WDR47: variants seen among roughly 807,000 people sequenced by gnomAD.
The protein encoded by WDR47 is WD repeat-containing protein 47.
In WDR47, 32 loss-of-function variants were observed where a neutral mutation model predicts 97.2. The ratio of observed to expected loss-of-function variants is 0.33; its 90% CI spans 0.25 to 0.44. The LOEUF (loss-of-function observed/expected upper bound fraction) is 0.44. Among genes scored for constraint, WDR47 ranks in the 20% least tolerant of loss-of-function variants. WDR47 has a pLI of 1.00. For synonymous variants in WDR47, 375 were observed against 373.5 expected (o/e 1.00, Z -0.05); for missense variants, 782 against 1,102.3 (o/e 0.71, Z 4.11).
In WDR47 at chr1:108,983,267, A is replaced by G. The variant is rs1430884727; in HGVS notation, c.2095+15T>C. 2 of 1,593,648 alleles carry G rather than the reference A, an allele frequency of 1.3e-6. No homozygotes were observed. Among genetic ancestry groups the G allele is most frequent in the Non-Finnish European group, 1.7e-6 (2 of 1,170,340 alleles). On this transcript the variant is annotated intron_variant, in intron 11 of 14. Coordinates refer to ENST00000369962, the MANE Select transcript of WDR47 (RefSeq NM_001142551.2). ...CACTGGTAAGCTAGCTACTGCTTAC[A>G]TACTTGGGCCCTACCTGTTGCGTTA...
chr1:108,992,054 A>C (rs1659388250), intron 8 of WDR47, among the ~76,000 whole-genome samples: 1 of 152,172 alleles, frequency 6.6e-6, no homozygotes, highest in African/African-American at 2.4e-5. Context: ...ACTAAAATCA[A>C]CAGAAAAATG....
chr1:109,025,430 CAAA>C (rs34794200), intron 1 of WDR47, among the ~76,000 whole-genome samples: 95 of 101,754 alleles, frequency 9.3e-4, no homozygotes, highest in East Asian at 1.4e-3. Flanking sequence ...GACTCTGCCT[CAAA>C]AAAAAAAAAA....
At chr1:109,027,036 A>G (rs1211571534) in intron 1 of WDR47, among the ~76,000 whole-genome samples, 1 of 152,122 alleles carries the variant, frequency 6.6e-6, no homozygotes, top group Non-Finnish European at 1.5e-5. Context: ...CCAGTAGAAT[A>G]ATATATTTTA....
chr1:109,025,597 G>A (rs1375630458), intron 1 of WDR47, among the ~76,000 whole-genome samples: 1 of 151,738 alleles, frequency 6.6e-6, no homozygotes, highest in Non-Finnish European at 1.5e-5. Context: ...AGCGGAGCGT[G>A]GTGGCACGCA....
intron 5 of WDR47, among the ~76,000 whole-genome samples, chr1:109,009,375 T>C (rs1309228805): frequency 6.6e-6 from 1 of 152,214 alleles, no homozygotes; most frequent in Admixed American, 6.5e-5. Context: ...CCATGCCAGG[T>C]TTGAAGGAAA....
In WDR47 at chr1:109,017,549, G is replaced by C. The variant is rs2101972444; in HGVS notation, c.211C>G (p.Leu71Val). 1 of 1,612,306 alleles carries C rather than the reference G, an allele frequency of 6.2e-7. No individual in the cohort carries two copies. The highest frequency in any genetic ancestry group is 8.5e-7 in the Non-Finnish European group (1 of 1,179,678). ...WDEVLQFIQPLECMEKFDKKR... is the reference protein window; with the variant it reads ...WDEVLQFIQPVECMEKFDKKR... ...TTGTCAAATTTTTCCATACATTCTA[G>C]AGGCTGAATGAACTGAAGAACTTCA... The change falls in exon 3 of 15, where the codon CTA becomes GTA. Residue 71 changes from leucine (L) to valine (V), a missense_variant. Coordinates refer to ENST00000369962, the MANE Select transcript of WDR47 (RefSeq NM_001142551.2).
intron 1 of WDR47, among the ~76,000 whole-genome samples, chr1:109,038,625 G>T (rs564050670): frequency 1.3e-5 from 2 of 151,586 alleles, no homozygotes; most frequent in Non-Finnish European, 2.9e-5. Flanking sequence ...GCTGCAGTGG[G>T]CTATCATCAT....
At chr1:109,021,103 T>C (rs1661805558) in intron 2 of WDR47, among the ~76,000 whole-genome samples, 2 of 152,196 alleles carry the variant, frequency 1.3e-5, no homozygotes, top group South Asian at 4.1e-4. Context: ...GCCTGCAAAT[T>C]TGGGATTTTC....
chr1:109,001,706 A>G (rs1660203813), intron 7 of WDR47, among the ~76,000 whole-genome samples: 1 of 152,144 alleles, frequency 6.6e-6, no homozygotes. Flanking sequence ...CCTGGGCAAC[A>G]AGGCAAAACC....
chr1:109,026,335 GC>G (rs1260964413), intron 1 of WDR47, among the ~76,000 whole-genome samples: 1 of 127,532 alleles, frequency 7.8e-6, no homozygotes, highest in Admixed American at 9.2e-5. Context: ...ACAGGGATGA[GC>G]CACCGTGCCC....
At chr1:109,032,908 T>C (rs1215290892) in intron 1 of WDR47, among the ~76,000 whole-genome samples, 1 of 151,606 alleles carries the variant, frequency 6.6e-6, no homozygotes, top group Non-Finnish European at 1.5e-5. Context: ...AAAAAAAAAT[T>C]ACAAAACGTA....
At chr1:108,975,855 C>A (rs1209267280) in intron 13 of WDR47, among the ~76,000 whole-genome samples, 1 of 151,906 alleles carries the variant, frequency 6.6e-6, no homozygotes, top group Non-Finnish European at 1.5e-5. Context: ...ATAATCTTTT[C>A]TTGAAATACT....
intron 2 of WDR47, among the ~76,000 whole-genome samples, chr1:109,021,567 T>C (rs951355920): frequency 1.3e-5 from 2 of 149,950 alleles, no homozygotes; most frequent in Non-Finnish European, 3.0e-5. Flanking sequence ...AAATGTTCTG[T>C]AGAGCAATTA....
At chr1:108,997,261 CAAA>C (rs539998525) in intron 7 of WDR47, among the ~76,000 whole-genome samples, 2 of 122,176 alleles carry the variant, frequency 1.6e-5, no homozygotes, top group African/African-American at 3.0e-5. Context: ...CCGTCTCTCC[CAAA>C]AAAAAAAAAA....
At chr1:109,023,664 A>G (rs1471161600) in intron 1 of WDR47, 143 bp from the exon 2 acceptor site, 1 of 797,560 alleles carries the variant, frequency 1.3e-6, no homozygotes, top group East Asian at 2.7e-5. Context: ...ATTTATCAAA[A>G]CCAAGTCGTT....
At chr1:109,039,335 G>A (rs566320252) in intron 1 of WDR47, among the ~76,000 whole-genome samples, 1 of 151,804 alleles carries the variant, frequency 6.6e-6, no homozygotes, top group Non-Finnish European at 1.5e-5. Context: ...TTGGCTCACT[G>A]CAACCTCTGC....
At chr1:108,994,471 T>C (rs1006782374) in intron 8 of WDR47, among the ~76,000 whole-genome samples, 1 of 152,112 alleles carries the variant, frequency 6.6e-6, no homozygotes, top group Non-Finnish European at 1.5e-5. Context: ...AGGCTGGGTG[T>C]GGTGGTTCAC....
intron 1 of WDR47, among the ~76,000 whole-genome samples, chr1:109,028,372 T>TTTTTTG (rs1403307186): frequency 7.3e-6 from 1 of 136,426 alleles, no homozygotes; most frequent in South Asian, 2.6e-4. Flanking sequence ...GTTTTTTTTT[T>TTTTTTG]TTTTTTTTTT....
rs186258186 is a variant in WDR47 at position 108,986,811 on chromosome 1, A to G, written c.1768-131T>C. On this transcript the variant is annotated intron_variant, in intron 9 of 14. Coordinates refer to ENST00000369962, the MANE Select transcript of WDR47 (RefSeq NM_001142551.2). ...CATGTTAGGTTTACTGCCAATAACC[A>G]TATATTCTTTTCTCTATGTTTTTCT... is the stretch of plus-strand genomic sequence containing the variant. The G allele has an allele frequency of 5.7e-5, 42 of 742,846 alleles. No individual in the cohort carries two copies. In the East Asian group the frequency reaches 1.2e-3, roughly 20 times the overall value. 46.0% of individuals were successfully genotyped at this position (742,846 alleles called of 1,614,324 possible).
Sources: allele counts gnomAD v4.1 joint callset (sites outside exome capture counted in the v4.1 genomes callset), GRCh38; gene constraint gnomAD v4.1.1; transcripts MANE v1.5; gene names NCBI Gene and HGNC (gene_info 2026-07-23, HGNC 2026-07-21).